Variants in SND1 observed in about 807,000 individuals in gnomAD.
SND1 encodes staphylococcal nuclease and tudor domain containing 1, also known as staphylococcal nuclease domain-containing protein 1.
In SND1, 38 loss-of-function variants were observed where a neutral mutation model predicts 121.7. The ratio of observed to expected loss-of-function variants is 0.31; its 90% CI spans 0.24 to 0.41. SND1 has a LOEUF of 0.41. SND1 is among the 10% of genes least tolerant of loss of function. SND1 has a pLI of 1.00. For synonymous variants in SND1, 401 were observed against 447.4 expected, an observed-to-expected ratio of 0.90 and a Z score of 1.31; for missense variants, 868 against 1,184.6, an observed-to-expected ratio of 0.73 and a Z score of 3.92.
At chr7:127,924,574 G>A (rs1800792984) in intron 14 of SND1, among the ~76,000 whole-genome samples, 2 of 152,036 alleles carry the variant, frequency 1.3e-5, no homozygotes, top group South Asian at 4.1e-4. Flanking sequence ...CCCTGTTCCA[G>A]AATTCACAGA....
intron 10 of SND1, among the ~76,000 whole-genome samples, chr7:127,807,005 G>A (rs1798250667): frequency 6.6e-6 from 1 of 152,108 alleles, no homozygotes; most frequent in Non-Finnish European, 1.5e-5. Flanking sequence ...TTTCATATCT[G>A]TAGGATTTCT....
rs531577420 is a variant in SND1, at chr7:127,825,674, G to A, written c.1242+18101G>A. On this transcript the variant is annotated intron_variant, in intron 11 of 23. Transcript: ENST00000354725. ...CGCCCACCCCGGCCTCCCAAAGTGT[G>A]GGATTACAGGCGTGAGCCACCGCAC... 1.2e-4 allele frequency among the ~76,000 whole-genome samples: 19 copies of A among 152,116 alleles called. No homozygotes were observed. In the East Asian group the frequency reaches 3.7e-3, roughly 30 times the overall value.
Position 127,703,332 on chromosome 7 carries a change from GTC to G in SND1, c.840+11_840+12del. 1 of 1,614,002 alleles carries G rather than the reference GTC, an allele frequency of 6.2e-7. No homozygotes were observed. Among genetic ancestry groups the G allele is most frequent in the Non-Finnish European group, 8.5e-7 (1 of 1,179,900 alleles). Reference sequence around the variant, plus strand: ...GTACCATCCTTCATCCAGTGAGTGTGTCTGTGCAGACTGGGTGGTGATGGGCT... The same window carrying G: ...GTACCATCCTTCATCCAGTGAGTGTGTGTGCAGACTGGGTGGTGATGGGCT... On this transcript the variant is annotated intron_variant, in intron 7 of 23. Transcript: ENST00000354725.
intron 15 of SND1, among the ~76,000 whole-genome samples, chr7:127,933,017 G>A (rs553455493): frequency 2.0e-4 from 31 of 152,228 alleles, no homozygotes; most frequent in South Asian, 1.0e-3. Context: ...AGAAAGAAAA[G>A]CATCCTTTTG....
At chr7:127,681,542 C>G (rs1034618435) in intron 1 of SND1, among the ~76,000 whole-genome samples, 2 of 152,112 alleles carry the variant, frequency 1.3e-5, no homozygotes, top group Non-Finnish European at 1.5e-5. Flanking sequence ...TTGGTGTCAC[C>G]TAAGAAACCA....
chr7:127,953,113 A>G (rs1021413670), intron 15 of SND1, among the ~76,000 whole-genome samples: 1 of 149,734 alleles, frequency 6.7e-6, no homozygotes, highest in Non-Finnish European at 1.5e-5. Flanking sequence ...ACAGTGAGCC[A>G]TGGTCACTCC....
chr7:128,069,251 G>A (rs898025953), intron 16 of SND1, among the ~76,000 whole-genome samples: 1 of 152,200 alleles, frequency 6.6e-6, no homozygotes, highest in Non-Finnish European at 1.5e-5. Context: ...CATTTCTGAT[G>A]AGAAGACCCT....
chr7:127,782,484 T>C (rs1211822458), intron 10 of SND1, among the ~76,000 whole-genome samples: 2 of 152,190 alleles, frequency 1.3e-5, no homozygotes, highest in Non-Finnish European at 2.9e-5. Context: ...TATTTTTCTA[T>C]TTAAGCCTCA....
chr7:127,772,902 C>T (rs890752903), intron 10 of SND1, among the ~76,000 whole-genome samples: 5 of 152,194 alleles, frequency 3.3e-5, no homozygotes, highest in African/African-American at 1.2e-4. Context: ...TAATTAATTT[C>T]ACTTAACAAG....
intron 7 of SND1, 82 bp downstream of exon 7, chr7:127,703,405 T>C: frequency 6.7e-7 from 1 of 1,491,962 alleles, no homozygotes; most frequent in Non-Finnish European, 9.2e-7. Flanking sequence ...CTTCTCTTTC[T>C]CTGTATTTAA....
rs544158928 is a variant in SND1 at position 128,040,037 on chromosome 7, A to C, written c.1780-34465A>C. ...CCCTTTGTCTAGGGTTCTCATCTCT[A>C]TTACCTGTCAGTCCCCAAATTTTGC... On this transcript the variant is annotated intron_variant, in intron 16 of 23. Transcript: ENST00000354725. Among the ~76,000 whole-genome samples, 59 of 152,178 alleles carry C rather than the reference A, an allele frequency of 3.9e-4. 1 individual carries two copies. The South Asian group carries it at 0.012, about 32-fold the overall frequency.
intron 8 of SND1, among the ~76,000 whole-genome samples, chr7:127,705,931 C>A (rs1796185289): frequency 6.6e-6 from 1 of 152,100 alleles, no homozygotes; most frequent in South Asian, 2.1e-4. Flanking sequence ...TTTCTTAGGT[C>A]TTTTTCATCC....
At chr7:128,056,394 G>T (rs557771457) in intron 16 of SND1, among the ~76,000 whole-genome samples, 1 of 152,038 alleles carries the variant, frequency 6.6e-6, no homozygotes, top group African/African-American at 2.4e-5. Flanking sequence ...AGTAACAAAA[G>T]AAAAAAGGGC....
chr7:128,085,273 C>T lies in SND1; in HGVS notation c.2234+426C>T, dbSNP rs1454106840. Reference sequence around the variant, plus strand: ...GACATGAGCAGCAGTGCTCACAGGCCGGAAGAAGGTCGCTGATGTGTAATC... The same window carrying T: ...GACATGAGCAGCAGTGCTCACAGGCTGGAAGAAGGTCGCTGATGTGTAATC... On this transcript the variant is annotated intron_variant, in intron 19 of 23. Coordinates refer to ENST00000354725, the MANE Select transcript of SND1 (RefSeq NM_014390.4). This position sits in a 1 kb window ranked among gnomAD's most constrained non-coding sequence, Gnocchi z 4.4. 6.6e-6 allele frequency among the ~76,000 whole-genome samples: 1 copy of T among 152,144 alleles called. No individual in the cohort carries two copies. The highest frequency in any genetic ancestry group is 1.5e-5 in the Non-Finnish European group (1 of 68,024).
intron 10 of SND1, among the ~76,000 whole-genome samples, chr7:127,776,510 G>T (rs930526734): frequency 2.0e-5 from 3 of 151,986 alleles, no homozygotes; most frequent in Admixed American, 1.3e-4. Flanking sequence ...ATAGAATATA[G>T]AAAAGTAAAT....
chr7:127,808,846 C>T (rs1189714796), intron 11 of SND1, among the ~76,000 whole-genome samples: 1 of 152,210 alleles, frequency 6.6e-6, no homozygotes, highest in Non-Finnish European at 1.5e-5. Flanking sequence ...TCATTTCGCT[C>T]ATTTACTGGC....
chr7:127,881,996 T>G (rs1042765041), intron 12 of SND1, among the ~76,000 whole-genome samples: 1 of 152,146 alleles, frequency 6.6e-6, no homozygotes, highest in African/African-American at 2.4e-5. Context: ...CTCATGCCTG[T>G]AATCTCAGCA....
intron 10 of SND1, among the ~76,000 whole-genome samples, chr7:127,793,118 A>G (rs1375109323): frequency 5.3e-5 from 8 of 152,206 alleles, no homozygotes; most frequent in Non-Finnish European, 1.0e-4. Flanking sequence ...AGGGTGGGCA[A>G]GCACGCATTA....
intron 12 of SND1, among the ~76,000 whole-genome samples, chr7:127,873,118 A>G (rs942777533): frequency 1.3e-5 from 2 of 152,158 alleles, no homozygotes; most frequent in Admixed American, 6.5e-5. Flanking sequence ...TTCTTCACCC[A>G]GTGGCAGTAT....
Sources: gnomAD v4.1 joint callset for allele counts (sites outside exome capture counted in the v4.1 genomes callset) on GRCh38, gnomAD v4.1.1 for gene constraint, Gnocchi (gnomAD v3.1) non-coding constraint, MANE v1.5 for transcripts, NCBI Gene and HGNC (gene_info 2026-07-23, HGNC 2026-07-21) for gene names.